Variants in PRUNE1 observed in about 807,000 individuals in gnomAD.
PRUNE1 encodes prune exopolyphosphatase 1.
PRUNE1 carries 25 observed loss-of-function variants against 42.5 expected under a neutral mutation model. The observed-to-expected ratio is 0.59, with a 90% CI of 0.43 to 0.82. PRUNE1 has a LOEUF of 0.82. PRUNE1 is among the 40% of genes least tolerant of loss of function. PRUNE1 has a pLI of 0.00. For missense variants in PRUNE1, 443 were observed against 539.3 expected, an observed-to-expected ratio of 0.82 and a Z score of 1.77; for synonymous variants, 203 against 217.1, an observed-to-expected ratio of 0.93 and a Z score of 0.57.
At chr1:151,027,936 T>C (rs1187823661) in intron 6 of PRUNE1, among the ~76,000 whole-genome samples, 1 of 152,134 alleles carries the variant, frequency 6.6e-6, no homozygotes, top group Non-Finnish European at 1.5e-5. Context: ...TTTAATAAAA[T>C]CTAAAGGACT....
intron 1 of PRUNE1, among the ~76,000 whole-genome samples, chr1:151,010,605 A>G (rs1342378852): frequency 6.6e-6 from 1 of 151,830 alleles, no homozygotes; most frequent in East Asian, 1.9e-4. Context: ...ATTAGACTCT[A>G]GGAAGGTTAA....
chr1:151,024,728 G>T lies in PRUNE1; in HGVS notation c.453G>T (p.Leu151=), dbSNP rs929542155. 3 of 1,614,138 alleles carry T rather than the reference G, an allele frequency of 1.9e-6. No homozygotes were observed. Among genetic ancestry groups the T allele is most frequent in the Non-Finnish European group, 1.7e-6 (2 of 1,180,026 alleles). ...SVELVGSCAT[L]VTERILQGAP... ...AGCTGGTGGGGTCCTGTGCTACCCT[G>T]GTGACCGAGAGAATCCTGCAGGGGG... The change falls in exon 4 of 8, where the codon CTG becomes CTT. Residue 151 remains leucine (L), a synonymous_variant. Transcript: ENST00000271620.
chr1:151,015,475 A>C (rs1351452127), intron 1 of PRUNE1, among the ~76,000 whole-genome samples: 1 of 151,942 alleles, frequency 6.6e-6, no homozygotes, highest in Non-Finnish European at 1.5e-5. Flanking sequence ...CTCTACTAAA[A>C]ATACAAAAAT....
chr1:151,021,544 T>G (rs1674438075), intron 3 of PRUNE1, among the ~76,000 whole-genome samples: 1 of 152,146 alleles, frequency 6.6e-6, no homozygotes, highest in South Asian at 2.1e-4. Context: ...CCTAATTTAC[T>G]ACTGGAAAAA....
intron 5 of PRUNE1, among the ~76,000 whole-genome samples, chr1:151,026,403 A>G (rs1674840834): frequency 1.3e-5 from 2 of 152,008 alleles, no homozygotes. Context: ...GGTTGCAGTG[A>G]GCCGAGATTG....
intron 6 of PRUNE1, among the ~76,000 whole-genome samples, chr1:151,027,747 AG>A (rs1419538184): frequency 1.5e-5 from 2 of 130,866 alleles, no homozygotes; most frequent in Non-Finnish European, 3.2e-5. Flanking sequence ...ACACCTAACT[AG>A]TGTGTGTGTG....
chr1:151,015,290 A>T (rs1571773657), intron 1 of PRUNE1, among the ~76,000 whole-genome samples: 1 of 145,722 alleles, frequency 6.9e-6, no homozygotes, highest in African/African-American at 2.6e-5. Context: ...CCCAGATTGC[A>T]CCACTGCACT....
In PRUNE1 at chr1:151,027,277, T is replaced by C. The variant is rs757848943; in HGVS notation, c.724T>C (p.Tyr242His). 1.2e-6 allele frequency: 2 copies of C among 1,611,890 alleles called. No individual in the cohort carries two copies. Among genetic ancestry groups the C allele is most frequent in the African/African-American group, 1.3e-5 (1 of 74,912 alleles). The stretch of plus-strand genomic sequence containing the variant: ...GCTGAGAAAAGACCAGAAGACTATC[T>C]ATAGACAAGGCGTCAAGGTGGCCAT... ...QMLRKDQKTI[Y>H]RQGVKVAISA... The change falls in exon 6 of 8, where the codon TAT (tyrosine) becomes CAT (histidine). Residue 242 changes from tyrosine to histidine, a missense_variant. Tyr to His is a moderately conservative substitution (Grantham distance 83). Coordinates refer to ENST00000271620, the MANE Select transcript of PRUNE1 (RefSeq NM_021222.3).
intron 5 of PRUNE1, 74 bp from the exon 6 acceptor site, chr1:151,027,159 G>T (rs887547509): frequency 9.8e-7 from 1 of 1,019,526 alleles, no homozygotes; most frequent in South Asian, 1.4e-5. Context: ...TGACCCATCT[G>T]GCTGTCCTTG....
chr1:151,021,944 A>G (rs1674470805), intron 3 of PRUNE1, among the ~76,000 whole-genome samples: 1 of 150,678 alleles, frequency 6.6e-6, no homozygotes, highest in South Asian at 2.1e-4. Flanking sequence ...CTGGGATTAC[A>G]GGTATGAGCC....
intron 1 of PRUNE1, among the ~76,000 whole-genome samples, chr1:151,016,740 G>A (rs1256593550): frequency 6.6e-6 from 1 of 151,346 alleles, no homozygotes; most frequent in Non-Finnish European, 1.5e-5. Context: ...AACCTTAGGT[G>A]ATCCGCCCGC....
At chr1:151,027,165 C>A in intron 5 of PRUNE1, 68 bp from the exon 6 acceptor site, 1 of 1,136,408 alleles carries the variant, frequency 8.8e-7, no homozygotes, top group Non-Finnish European at 1.3e-6. Flanking sequence ...ATCTGGCTGT[C>A]CTTGCCTTCT....
At chr1:151,018,891 A>G (rs1379537855) in intron 3 of PRUNE1, among the ~76,000 whole-genome samples, 1 of 151,916 alleles carries the variant, frequency 6.6e-6, no homozygotes, top group Non-Finnish European at 1.5e-5. Context: ...AAAAATATAA[A>G]AATTAGCTGG....
At chr1:151,009,376 G>A (rs1386727125) in intron 1 of PRUNE1, among the ~76,000 whole-genome samples, 1 of 152,176 alleles carries the variant, frequency 6.6e-6, no homozygotes, top group Non-Finnish European at 1.5e-5. Context: ...CACAAAGTGT[G>A]TTTGGAATCA....
chr1:151,025,611 C>A lies in PRUNE1; in HGVS notation c.617C>A (p.Pro206Gln). ...KYVEKLEALFPDLPKRNDIFD... is the reference protein window; with the variant it reads ...KYVEKLEALFQDLPKRNDIFD... ...GTGGAGAAACTAGAGGCCCTTTTCCCAGACCTACCCAAGAGAAATGATATA... is the reference window on the plus strand; with the variant it reads ...GTGGAGAAACTAGAGGCCCTTTTCCAAGACCTACCCAAGAGAAATGATATA... Residue 206 changes from proline (P) to glutamine (Q), a missense_variant, in exon 5 of 8, where the codon CCA becomes CAA. Physicochemically the swap from Pro to Gln is moderately conservative, Grantham distance 76 (BLOSUM62 -1). Transcript: ENST00000271620. 1 of 1,613,906 alleles carries A rather than the reference C, an allele frequency of 6.2e-7. No homozygotes were observed. Among genetic ancestry groups the A allele is most frequent in the Non-Finnish European group, 8.5e-7 (1 of 1,179,824 alleles).
At chr1:151,009,340 A>C (rs1673596439) in intron 1 of PRUNE1, among the ~76,000 whole-genome samples, 1 of 152,238 alleles carries the variant, frequency 6.6e-6, no homozygotes, top group Admixed American at 6.5e-5. Flanking sequence ...AAATGACATA[A>C]AAATTCTCCA....
intron 7 of PRUNE1, among the ~76,000 whole-genome samples, chr1:151,031,422 A>C (rs1675243229): frequency 6.6e-6 from 1 of 151,994 alleles, no homozygotes; most frequent in Non-Finnish European, 1.5e-5. Flanking sequence ...CCTGGACTCA[A>C]GTGATCCACC....
Position 151,024,765 on chromosome 1 carries a change from T to C in PRUNE1, c.490T>C (p.Leu164=). 2 of 1,613,800 alleles carry C rather than the reference T, an allele frequency of 1.2e-6. No homozygotes were observed. The highest frequency in any genetic ancestry group is 1.7e-6 in the Non-Finnish European group (2 of 1,179,818). ...AATCCTGCAGGGGGCACCAGAGATC[T>C]TGGACAGGCAAACTGCAGCCCTTCT... is the stretch of plus-strand genomic sequence containing the variant. ...ERILQGAPEI[L]DRQTAALLHG... is the part of the protein sequence containing the mutation. The change falls in exon 4 of 8, where the codon TTG becomes CTG. Residue 164 remains leucine (L), a synonymous_variant. Transcript: ENST00000271620.
At position 151,013,871 on chromosome 1, in the gene PRUNE1, G is replaced by A. The variant is rs587769973; in HGVS notation, c.40-3941G>A. Among the ~76,000 whole-genome samples, 4 of 152,342 alleles carry A rather than the reference G, an allele frequency of 2.6e-5. No individual in the cohort carries two copies. In the East Asian group the frequency reaches 7.7e-4, roughly 29 times the overall value. ...TATCAGGAGGAGGAATTACAAGTCA[G>A]AGGAGTTACTATAGGACTGGGGTAT... On this transcript the variant is annotated intron_variant, in intron 1 of 7. Coordinates refer to ENST00000271620, the MANE Select transcript of PRUNE1 (RefSeq NM_021222.3).
Sources: allele counts gnomAD v4.1 joint callset (sites outside exome capture counted in the v4.1 genomes callset), GRCh38; gene constraint gnomAD v4.1.1; transcripts MANE v1.5; gene names NCBI Gene and HGNC (gene_info 2026-07-23, HGNC 2026-07-21).